The following ATG5 variants were observed in gnomAD, a reference collection of about 807,000 sequenced individuals.
ATG5 encodes the protein autophagy related 5.
In ATG5, 14 loss-of-function variants were observed where a neutral mutation model predicts 36.5. The observed-to-expected ratio is 0.38, with a 90% CI of 0.25 to 0.60. The LOEUF (loss-of-function observed/expected upper bound fraction) is 0.60, where lower values mean the gene tolerates loss of function less well. ATG5 is among the 20% of genes least tolerant of loss of function. ATG5 has a pLI of 0.60. For synonymous variants in ATG5, 95 were observed against 101.5 expected, an observed-to-expected ratio of 0.94 and a Z score of 0.38; for missense variants, 195 against 326.7, an observed-to-expected ratio of 0.60 and a Z score of 3.11.
At chr6:106,245,369 C>T (rs1778287715) in intron 6 of ATG5, among the ~76,000 whole-genome samples, 1 of 152,182 alleles carries the variant, frequency 6.6e-6, no homozygotes, top group African/African-American at 2.4e-5. Context: ...GGGCAGACTT[C>T]ACTTTTCATG....
intron 6 of ATG5, chr6:106,202,294 A>AC: frequency 2.2e-6 from 1 of 451,212 alleles, no homozygotes; most frequent in Non-Finnish European, 4.0e-6. Flanking sequence ...GAAACAGACA[A>AC]ATCCAAAGTT....
chr6:106,219,471 T>C (rs1299133845), intron 6 of ATG5, among the ~76,000 whole-genome samples: 5 of 152,224 alleles, frequency 3.3e-5, no homozygotes. Context: ...AAAATGTTTT[T>C]GTACCAAACA....
intron 1 of ATG5, among the ~76,000 whole-genome samples, chr6:106,322,951 G>A (rs985545602): frequency 1.3e-4 from 20 of 151,970 alleles, no homozygotes; most frequent in East Asian, 1.9e-4. Context: ...ACGGGGTCTC[G>A]CTCTGTCGCC....
chr6:106,228,441 A>G (rs1000732026), intron 6 of ATG5, among the ~76,000 whole-genome samples: 1 of 152,148 alleles, frequency 6.6e-6, no homozygotes, highest in African/African-American at 2.4e-5. Context: ...GCTGAACACT[A>G]GTCACTGGGT....
chr6:106,300,949 G>A (rs983364272), intron 3 of ATG5, among the ~76,000 whole-genome samples: 1 of 152,032 alleles, frequency 6.6e-6, no homozygotes, highest in Non-Finnish European at 1.5e-5. Flanking sequence ...AAAATGAGAA[G>A]CTTGTTCTAA....
chr6:106,194,441 A>G (rs1362424226), intron 7 of ATG5, among the ~76,000 whole-genome samples: 2 of 152,212 alleles, frequency 1.3e-5, no homozygotes, highest in Non-Finnish European at 2.9e-5. Flanking sequence ...TGTCTGAAAA[A>G]AATTTATCTT....
intron 6 of ATG5, among the ~76,000 whole-genome samples, chr6:106,243,484 CA>C (rs1384804608): frequency 6.7e-6 from 1 of 149,400 alleles, no homozygotes; most frequent in Non-Finnish European, 1.5e-5. Context: ...GCTGAGATCA[CA>C]TCACTGCACT....
chr6:106,204,466 T>A (rs1469886022), intron 6 of ATG5, among the ~76,000 whole-genome samples: 3 of 152,222 alleles, frequency 2.0e-5, no homozygotes, highest in Non-Finnish European at 4.4e-5. Context: ...GGATTATTTT[T>A]AAAAATATGA....
At chr6:106,311,687 T>G (rs974789019) in intron 2 of ATG5, among the ~76,000 whole-genome samples, 1 of 152,066 alleles carries the variant, frequency 6.6e-6, no homozygotes, top group African/African-American at 2.4e-5. Context: ...CTAAAAATGA[T>G]GAAAAGCCAC....
chr6:106,189,905 A>C (rs1015341799), intron 7 of ATG5, among the ~76,000 whole-genome samples: 1 of 152,152 alleles, frequency 6.6e-6, no homozygotes, highest in African/African-American at 2.4e-5. Flanking sequence ...AGAAAAATCA[A>C]GTGAACTAGT....
At chr6:106,297,955 G>A (rs1343169407) in intron 3 of ATG5, among the ~76,000 whole-genome samples, 1 of 148,782 alleles carries the variant, frequency 6.7e-6, no homozygotes, top group Non-Finnish European at 1.5e-5. Context: ...GGGAGACCCT[G>A]TCAAAATCTA....
At chr6:106,192,132 CA>C (rs1190957295) in intron 7 of ATG5, among the ~76,000 whole-genome samples, 2 of 151,964 alleles carry the variant, frequency 1.3e-5, no homozygotes, top group Non-Finnish European at 2.9e-5. Context: ...GCTCTCAACA[CA>C]TATATTCAAG....
Position 106,295,666 on chromosome 6 carries a change from C to T in ATG5, c.237-2560G>A, listed in dbSNP as rs530955909. 1.8e-4 allele frequency among the ~76,000 whole-genome samples: 27 copies of T among 151,772 alleles called. No individual in the cohort carries two copies. The South Asian group carries it at 4.8e-3, about 27-fold the overall frequency. On this transcript the variant is annotated intron_variant, in intron 3 of 7. Transcript: ENST00000369076. Reference sequence around the variant, plus strand: ...ACAATCTTGACCTCCTGGGCTCAAGCGATCCTCCCACCTCAGCCTCCTGAG... The same window carrying T: ...ACAATCTTGACCTCCTGGGCTCAAGTGATCCTCCCACCTCAGCCTCCTGAG...
intron 3 of ATG5, among the ~76,000 whole-genome samples, chr6:106,306,529 A>T (rs1430193189): frequency 2.6e-5 from 4 of 152,188 alleles, no homozygotes. Flanking sequence ...AACATCCTAT[A>T]ATGTACAGGG....
intron 6 of ATG5, among the ~76,000 whole-genome samples, chr6:106,223,479 A>G (rs572587600): frequency 6.6e-6 from 1 of 152,334 alleles, no homozygotes; most frequent in African/African-American, 2.4e-5. Context: ...CGTAGTAGAT[A>G]GCTTAGGGCA....
intron 3 of ATG5, among the ~76,000 whole-genome samples, chr6:106,294,909 C>CT (rs1582665734): frequency 1.3e-5 from 2 of 149,562 alleles, no homozygotes; most frequent in East Asian, 3.9e-4. Flanking sequence ...AGTGGGGGTA[C>CT]TTTTAGTCTT....
intron 5 of ATG5, among the ~76,000 whole-genome samples, chr6:106,272,927 G>C (rs1251642146): frequency 2.6e-5 from 4 of 152,136 alleles, no homozygotes; most frequent in Non-Finnish European, 5.9e-5. Flanking sequence ...CACAGACAAG[G>C]AATGAAAAAT....
rs543238915 is a variant in ATG5 at position 106,301,380 on chromosome 6, TAGAG to T, written c.236+6980_236+6983del. On this transcript the variant is annotated intron_variant, in intron 3 of 7. Transcript: ENST00000369076. Reference sequence around the variant, plus strand: ...ATTTGGACAAATTGATATAAGCAATTAGAGAGAACAGATAAGATGGGAGAAAAAT... The same window carrying T: ...ATTTGGACAAATTGATATAAGCAATTAGAACAGATAAGATGGGAGAAAAAT... Among the ~76,000 whole-genome samples, 8 of 152,096 alleles carry T rather than the reference TAGAG, an allele frequency of 5.3e-5. No individual in the cohort carries two copies. The South Asian group carries it at 1.2e-3, about 24-fold the overall frequency.
chr6:106,230,363 C>T (rs980389933), intron 6 of ATG5, among the ~76,000 whole-genome samples: 1 of 152,168 alleles, frequency 6.6e-6, no homozygotes, highest in African/African-American at 2.4e-5. Flanking sequence ...TTATGAAATA[C>T]TCAGGAACTC....
Sources: gnomAD v4.1 joint callset for allele counts (sites outside exome capture counted in the v4.1 genomes callset) on GRCh38, gnomAD v4.1.1 for gene constraint, MANE v1.5 for transcripts, NCBI Gene and HGNC (gene_info 2026-07-23, HGNC 2026-07-21) for gene names.